The following ATP8A2 variants were observed in gnomAD, a reference collection of about 807,000 sequenced individuals.
The protein encoded by ATP8A2 is phospholipid-transporting ATPase IB.
A neutral mutation model predicts 165.6 loss-of-function variants in ATP8A2; 100 were observed. The observed-to-expected ratio is 0.60, with a 90% CI of 0.51 to 0.71. ATP8A2 has a LOEUF of 0.71. Among genes scored for constraint, ATP8A2 ranks in the 30% least tolerant of loss-of-function variants. ATP8A2 has a pLI of 0.00. For synonymous variants in ATP8A2, 543 were observed against 548.8 expected, an observed-to-expected ratio of 0.99 and a Z score of 0.15; for missense variants, 1,227 against 1,479.5, an observed-to-expected ratio of 0.83 and a Z score of 2.80.
intron 24 of ATP8A2, among the ~76,000 whole-genome samples, chr13:25,666,898 A>G (rs575721003): frequency 2.0e-5 from 3 of 152,328 alleles, no homozygotes; most frequent in African/African-American, 7.2e-5. Context: ...TCTTAAAAGA[A>G]ATAAGTGTGG....
intron 24 of ATP8A2, among the ~76,000 whole-genome samples, chr13:25,613,589 A>C (rs1042002390): frequency 2.6e-5 from 4 of 152,168 alleles, no homozygotes; most frequent in African/African-American, 9.7e-5. Context: ...ACAAAACAAA[A>C]AAACAAACAA....
At chr13:25,949,687 T>TC (rs1955301629) in intron 33 of ATP8A2, among the ~76,000 whole-genome samples, 1 of 152,180 alleles carries the variant, frequency 6.6e-6, no homozygotes, top group African/African-American at 2.4e-5. Flanking sequence ...CTGCAGCCCT[T>TC]CCCGTGGCTC....
intron 1 of ATP8A2, among the ~76,000 whole-genome samples, chr13:25,401,480 C>T (rs2138018852): frequency 6.6e-6 from 1 of 152,174 alleles, no homozygotes; most frequent in East Asian, 1.9e-4. Flanking sequence ...GCTCTTGTTT[C>T]CTTTAAGTGG....
At chr13:26,004,035 T>C (rs78729250) in intron 35 of ATP8A2, among the ~76,000 whole-genome samples, 102 of 152,296 alleles carry the variant, frequency 6.7e-4, no homozygotes, top group African/African-American at 2.4e-3. Flanking sequence ...TTAAGGATTA[T>C]CTTTTTCTCT....
At chr13:25,609,477 A>T (rs534914502) in intron 24 of ATP8A2, among the ~76,000 whole-genome samples, 1 of 140,326 alleles carries the variant, frequency 7.1e-6, no homozygotes, top group African/African-American at 2.6e-5. Context: ...TGTGATGCCT[A>T]GAGTGTAGTT....
At chr13:25,898,299 C>G (rs922259669) in intron 33 of ATP8A2, among the ~76,000 whole-genome samples, 3 of 152,200 alleles carry the variant, frequency 2.0e-5, no homozygotes, top group Non-Finnish European at 2.9e-5. Context: ...CACTCCAGAC[C>G]CTGTTTGCCT....
intron 2 of ATP8A2, among the ~76,000 whole-genome samples, chr13:25,512,478 C>A (rs1442600089): frequency 6.6e-6 from 1 of 151,972 alleles, no homozygotes; most frequent in African/African-American, 2.4e-5. Context: ...CACCCCTCAT[C>A]TCCCGGACGG....
At chr13:25,625,148 G>T (rs1382022767) in intron 24 of ATP8A2, among the ~76,000 whole-genome samples, 1 of 152,176 alleles carries the variant, frequency 6.6e-6, no homozygotes, top group Non-Finnish European at 1.5e-5. Flanking sequence ...GATTATTCTT[G>T]CCTCAACAAG....
At chr13:26,018,448 C>T (rs995306511) in intron 36 of ATP8A2, among the ~76,000 whole-genome samples, 1 of 152,208 alleles carries the variant, frequency 6.6e-6, no homozygotes, top group African/African-American at 2.4e-5. Context: ...GCACCCTTTT[C>T]GACTTCTTTT....
At chr13:25,786,988 G>T (rs900527942) in intron 27 of ATP8A2, among the ~76,000 whole-genome samples, 1 of 152,092 alleles carries the variant, frequency 6.6e-6, no homozygotes, top group Non-Finnish European at 1.5e-5. Flanking sequence ...TTGCCATTTT[G>T]GCTAGGCTTG....
At chr13:25,974,934 C>T (rs1033987537) in intron 35 of ATP8A2, among the ~76,000 whole-genome samples, 1 of 152,152 alleles carries the variant, frequency 6.6e-6, no homozygotes, top group Non-Finnish European at 1.5e-5. Flanking sequence ...CACCTTCTGC[C>T]CTCAGCCCAC....
Position 25,452,826 on chromosome 13 carries a change from C to A in ATP8A2, c.77-16151C>A, listed in dbSNP as rs192918372. On this transcript the variant is annotated intron_variant, in intron 1 of 36. Coordinates refer to ENST00000381655, the MANE Select transcript of ATP8A2 (RefSeq NM_016529.6). ...ATAACTTAGGGTAGGCTGGGAGGAT[C>A]GCTCACATCTGTAATCCCAGCACTT... is the stretch of plus-strand genomic sequence containing the variant. 1.6e-3 allele frequency among the ~76,000 whole-genome samples: 244 copies of A among 152,078 alleles called. 1 individual carries two copies. The highest frequency in any genetic ancestry group is 2.8e-3 in the Non-Finnish European group (190 of 67,974).
At chr13:25,937,382 A>G (rs1206999728) in intron 33 of ATP8A2, among the ~76,000 whole-genome samples, 1 of 5,536 alleles carries the variant, frequency 1.8e-4, no homozygotes, top group Non-Finnish European at 4.2e-4. Context: ...TTTTTTTTGA[A>G]CAGCCCAATG....
intron 1 of ATP8A2, among the ~76,000 whole-genome samples, chr13:25,423,695 TGTTAA>T (rs752589958): frequency 1.8e-4 from 28 of 152,252 alleles, no homozygotes; most frequent in Admixed American, 1.4e-3. Context: ...TACGGACTAC[TGTTAA>T]GTTGAGCATC....
rs74753804 is a variant in ATP8A2, at chr13:25,470,124, A to G, written c.221+1003A>G. On this transcript the variant is annotated intron_variant, in intron 2 of 36. Transcript: ENST00000381655. ...ATTCCACTACTGCACTAACACTTGT[A>G]CAAATGACTTAGCCTGACATCTTTA... Among the ~76,000 whole-genome samples, 491 of 152,338 alleles carry G rather than the reference A, an allele frequency of 3.2e-3. 5 individuals carry two copies. The highest frequency in any genetic ancestry group is 0.011 in the African/African-American group (465 of 41,582).
intron 24 of ATP8A2, among the ~76,000 whole-genome samples, chr13:25,601,584 C>G (rs2040387926): frequency 6.6e-6 from 1 of 152,182 alleles, no homozygotes. Context: ...CCTGCCTCAG[C>G]CTCTCAAGTA....
At chr13:25,792,692 C>T (rs1397391768) in intron 27 of ATP8A2, among the ~76,000 whole-genome samples, 4 of 151,826 alleles carry the variant, frequency 2.6e-5, no homozygotes, top group Admixed American at 6.6e-5. Flanking sequence ...AGGAGGATTG[C>T]TTCAGCCTAG....
At chr13:25,821,643 T>C (rs1025971331) in intron 27 of ATP8A2, among the ~76,000 whole-genome samples, 1 of 152,262 alleles carries the variant, frequency 6.6e-6, no homozygotes, top group South Asian at 2.1e-4. Flanking sequence ...TTCTAAGTTT[T>C]GTATCGGGTT....
chr13:25,692,430 G>A lies in ATP8A2; in HGVS notation c.2212-6743G>A, dbSNP rs1277188283. Among the ~76,000 whole-genome samples, 7 of 152,344 alleles carry A rather than the reference G, an allele frequency of 4.6e-5. No homozygotes were observed. The East Asian group carries it at 1.3e-3, about 29-fold the overall frequency. ...TGGCCCTGCCGAGCTGACGGAGGAA[G>A]AGGGCTCCTACCCGTGCAGATTTCA... On this transcript the variant is annotated intron_variant, in intron 24 of 36. Coordinates refer to ENST00000381655, the MANE Select transcript of ATP8A2 (RefSeq NM_016529.6).
Sources: gnomAD v4.1 joint callset for allele counts (sites outside exome capture counted in the v4.1 genomes callset) on GRCh38, gnomAD v4.1.1 for gene constraint, MANE v1.5 for transcripts, NCBI Gene and HGNC (gene_info 2026-07-23, HGNC 2026-07-21) for gene names.